The following MSH4 variants were observed in gnomAD, a reference collection of about 807,000 sequenced individuals.
The protein encoded by MSH4 is mutS protein homolog 4.
A neutral mutation model predicts 113.7 loss-of-function variants in MSH4; 106 were observed. The ratio of observed to expected loss-of-function variants is 0.93; its 90% CI spans 0.80 to 1.10. MSH4 has a LOEUF of 1.10. Ranked by LOEUF, MSH4 falls within the 50% of genes least tolerant of loss-of-function variation. MSH4 has a pLI of 0.00. For missense variants in MSH4, 1,061 were observed against 1,093.7 expected, an observed-to-expected ratio of 0.97 and a Z score of 0.42; for synonymous variants, 368 against 380.2, an observed-to-expected ratio of 0.97 and a Z score of 0.37.
At chr1:75,805,498 C>T (rs1650040404) in intron 2 of MSH4, among the ~76,000 whole-genome samples, 1 of 151,422 alleles carries the variant, frequency 6.6e-6, no homozygotes, top group Non-Finnish European at 1.5e-5. Flanking sequence ...AGTGATTCTC[C>T]TGCCTCGGCC....
chr1:75,847,923 T>C (rs1651108757), intron 7 of MSH4, among the ~76,000 whole-genome samples: 1 of 152,120 alleles, frequency 6.6e-6, no homozygotes, highest in African/African-American at 2.4e-5. Context: ...ATCGCCACAC[T>C]AGGAATTAAG....
intron 1 of MSH4, among the ~76,000 whole-genome samples, chr1:75,798,717 G>A (rs1649872535): frequency 6.6e-6 from 1 of 151,494 alleles, no homozygotes; most frequent in Non-Finnish European, 1.5e-5. Flanking sequence ...CCCTACAGAT[G>A]GCTAATTTAA....
At chr1:75,888,565 A>T (rs568674933) in intron 15 of MSH4, among the ~76,000 whole-genome samples, 9 of 151,540 alleles carry the variant, frequency 5.9e-5, no homozygotes, top group Admixed American at 6.6e-5. Flanking sequence ...TAATGATTTT[A>T]TTAACTTCAG....
At chr1:75,900,079 T>A (rs12078299) in intron 19 of MSH4, among the ~76,000 whole-genome samples, 28,868 of 151,958 alleles carry the variant, frequency 0.19, 2,997 homozygotes, top group Middle Eastern at 0.27. Context: ...TTCAAAGCTT[T>A]TCTACTCATC....
intron 6 of MSH4, among the ~76,000 whole-genome samples, chr1:75,821,476 T>G (rs2100519568): frequency 6.6e-6 from 1 of 151,968 alleles, no homozygotes. Context: ...ATTGACACCC[T>G]AACATCACAA....
chr1:75,827,962 C>A (rs1484598628), intron 7 of MSH4, among the ~76,000 whole-genome samples: 1 of 152,026 alleles, frequency 6.6e-6, no homozygotes, highest in Non-Finnish European at 1.5e-5. Context: ...ACATTAGTTC[C>A]CTTATTTGAA....
intron 7 of MSH4, among the ~76,000 whole-genome samples, chr1:75,833,722 G>T (rs112377615): frequency 7.2e-5 from 11 of 152,170 alleles, no homozygotes; most frequent in Non-Finnish European, 1.5e-4. Context: ...GGGAAAACTG[G>T]CTAGCCATAC....
At chr1:75,893,219 C>T (rs577298248) in intron 17 of MSH4, among the ~76,000 whole-genome samples, 1 of 152,298 alleles carries the variant, frequency 6.6e-6, no homozygotes, top group South Asian at 2.1e-4. Flanking sequence ...ATTGCCAGCT[C>T]ATTGCTGCAT....
intron 7 of MSH4, among the ~76,000 whole-genome samples, chr1:75,829,721 G>C (rs555114439): frequency 1.3e-5 from 2 of 152,126 alleles, no homozygotes; most frequent in African/African-American, 4.8e-5. Context: ...TGCAGCTGAG[G>C]GTCCTGACTG....
chr1:75,854,034 A>ATATATATAT (rs1179723074), intron 8 of MSH4, among the ~76,000 whole-genome samples: 2 of 58,804 alleles, frequency 3.4e-5, no homozygotes, highest in East Asian at 8.0e-4. Context: ...TATATGCATA[A>ATATATATAT]ATATATAGAT....
intron 7 of MSH4, among the ~76,000 whole-genome samples, chr1:75,828,027 A>G (rs1650595367): frequency 6.6e-6 from 1 of 152,230 alleles, no homozygotes; most frequent in East Asian, 1.9e-4. Context: ...AAAGAAAGAC[A>G]TACAAGTGAC....
chr1:75,864,622 T>A (rs1191702483), intron 8 of MSH4, among the ~76,000 whole-genome samples: 1 of 152,236 alleles, frequency 6.6e-6, no homozygotes, highest in Non-Finnish European at 1.5e-5. Flanking sequence ...ATATTGACCA[T>A]TTGAATATCT....
chr1:75,816,778 CA>C (rs1557493961), intron 6 of MSH4, among the ~76,000 whole-genome samples: 1 of 152,038 alleles, frequency 6.6e-6, no homozygotes, highest in Admixed American at 6.6e-5. Flanking sequence ...AGGCATGTGC[CA>C]CCATGCCTAG....
intron 8 of MSH4, among the ~76,000 whole-genome samples, chr1:75,864,315 T>C (rs1390704712): frequency 6.6e-6 from 1 of 152,234 alleles, no homozygotes; most frequent in African/African-American, 2.4e-5. Flanking sequence ...GAAATAATAC[T>C]GCTAAACAAT....
At chr1:75,843,329 T>C (rs1338514896) in intron 7 of MSH4, among the ~76,000 whole-genome samples, 1 of 152,204 alleles carries the variant, frequency 6.6e-6, no homozygotes, top group African/African-American at 2.4e-5. Flanking sequence ...TCTTTATTTC[T>C]ACACTCTCTC....
At chr1:75,884,143 G>A (rs908894570) in intron 15 of MSH4, among the ~76,000 whole-genome samples, 1 of 152,078 alleles carries the variant, frequency 6.6e-6, no homozygotes, top group African/African-American at 2.4e-5. Context: ...CAAAAACAAA[G>A]TTTGTTGTGA....
At chr1:75,805,512 C>T (rs1487350157) in intron 2 of MSH4, among the ~76,000 whole-genome samples, 4 of 151,304 alleles carry the variant, frequency 2.6e-5, no homozygotes, top group Admixed American at 2.0e-4. Flanking sequence ...CTCGGCCTCC[C>T]GAGTAGCTGG....
intron 7 of MSH4, among the ~76,000 whole-genome samples, chr1:75,844,226 A>T (rs1338025703): frequency 3.3e-5 from 5 of 152,272 alleles, no homozygotes; most frequent in African/African-American, 1.2e-4. Flanking sequence ...GTCATTAAGA[A>T]ATAGTTATCA....
chr1:75,901,939 G>A (rs115849851), intron 19 of MSH4, among the ~76,000 whole-genome samples: 3,812 of 151,992 alleles, frequency 0.025, 68 homozygotes, highest in Middle Eastern at 0.041. Context: ...ATACCTGTTG[G>A]CTATATGTTT....
Sources: gnomAD v4.1 joint callset for allele counts (sites outside exome capture counted in the v4.1 genomes callset) on GRCh38, gnomAD v4.1.1 for gene constraint, MANE v1.5 for transcripts, NCBI Gene and HGNC (gene_info 2026-07-23, HGNC 2026-07-21) for gene names.